Variants in FHIT observed in about 807,000 individuals in gnomAD.
FHIT encodes the protein bis(5'-adenosyl)-triphosphatase.
FHIT carries 19 observed loss-of-function variants against 17.9 expected under a neutral mutation model. The ratio of observed to expected loss-of-function variants is 1.06; its 90% CI spans 0.74 to 1.56. FHIT has a LOEUF of 1.56. Ranked by LOEUF, FHIT falls within the 40% of genes most tolerant of loss-of-function variation. FHIT has a pLI of 0.00. For synonymous variants in FHIT, 81 were observed against 69.7 expected (o/e 1.16, Z -0.81); for missense variants, 248 against 189.2 (o/e 1.31, Z -1.82).
intron 4 of FHIT, among the ~76,000 whole-genome samples, chr3:60,735,870 T>C (rs1285914035): frequency 2.0e-5 from 3 of 152,210 alleles, no homozygotes; most frequent in African/African-American, 7.2e-5. Context: ...GTCTATGCTT[T>C]TGCATAGCTA....
chr3:60,515,404 G>A (rs2035114757), intron 5 of FHIT, among the ~76,000 whole-genome samples: 1 of 152,110 alleles, frequency 6.6e-6, no homozygotes, highest in Non-Finnish European at 1.5e-5. Context: ...CGTCCAGGAA[G>A]GAGGAATGAC....
intron 3 of FHIT, among the ~76,000 whole-genome samples, chr3:60,839,234 C>T (rs1438232422): frequency 6.6e-6 from 1 of 152,084 alleles, no homozygotes; most frequent in Non-Finnish European, 1.5e-5. Flanking sequence ...AGTAGCTTTT[C>T]CATGAATTAT....
At chr3:60,426,243 C>A (rs908823130) in intron 5 of FHIT, among the ~76,000 whole-genome samples, 1 of 152,098 alleles carries the variant, frequency 6.6e-6, no homozygotes, top group East Asian at 1.9e-4. Flanking sequence ...TTGCCAAGTG[C>A]TTGCAAATAA....
At chr3:61,203,426 G>C (rs569478395) in intron 1 of FHIT, among the ~76,000 whole-genome samples, 2 of 151,150 alleles carry the variant, frequency 1.3e-5, no homozygotes, top group African/African-American at 4.8e-5. Context: ...AGATAAATCA[G>C]AACATTTTTC....
In FHIT at chr3:60,103,465, T is replaced by A. The variant is rs571397895; in HGVS notation, c.104-89313A>T. Among the ~76,000 whole-genome samples, 5 of 152,184 alleles carry A rather than the reference T, an allele frequency of 3.3e-5. No homozygotes were observed. The East Asian group carries it at 9.7e-4, about 29-fold the overall frequency. On this transcript the variant is annotated intron_variant, in intron 5 of 9. Coordinates refer to ENST00000492590, the MANE Select transcript of FHIT (RefSeq NM_002012.4). ...AAAACAAACAAACACCACGATAAAT[T>A]TGTGAAGAAATGACAGGATAAAAAG...
At chr3:60,199,035 A>G (rs1326454365) in intron 5 of FHIT, among the ~76,000 whole-genome samples, 4 of 152,208 alleles carry the variant, frequency 2.6e-5, no homozygotes, top group Admixed American at 2.6e-4. Context: ...AGGAGTTGTC[A>G]GAGGAATCAC....
intron 5 of FHIT, among the ~76,000 whole-genome samples, chr3:60,192,493 A>G (rs961855542): frequency 1.4e-4 from 22 of 152,016 alleles, no homozygotes; most frequent in Admixed American, 1.0e-3. Context: ...CTGTGACTCT[A>G]CCTCTCCTGT....
chr3:61,022,120 G>A (rs546795856), intron 3 of FHIT, among the ~76,000 whole-genome samples: 21 of 152,172 alleles, frequency 1.4e-4, no homozygotes, highest in Admixed American at 4.6e-4. Context: ...AAGAAGAAAA[G>A]AGAGAAGAAT....
At chr3:61,037,068 C>G (rs547578365) in intron 3 of FHIT, among the ~76,000 whole-genome samples, 10 of 152,206 alleles carry the variant, frequency 6.6e-5, no homozygotes, top group African/African-American at 2.4e-4. Flanking sequence ...CCCGCCACTG[C>G]ACCCGGCTAA....
chr3:59,922,824 G>C (rs1705474015), intron 7 of FHIT, among the ~76,000 whole-genome samples: 1 of 152,164 alleles, frequency 6.6e-6, no homozygotes, highest in Non-Finnish European at 1.5e-5. Context: ...GAGGTAGCAA[G>C]TAGTATGGGC....
intron 3 of FHIT, among the ~76,000 whole-genome samples, chr3:60,899,031 T>A (rs1322006551): frequency 6.6e-6 from 1 of 152,214 alleles, no homozygotes; most frequent in Non-Finnish European, 1.5e-5. Flanking sequence ...CATGCATTTT[T>A]TTTCCAGAAC....
At chr3:60,651,701 C>G (rs1328211036) in intron 4 of FHIT, among the ~76,000 whole-genome samples, 2 of 152,034 alleles carry the variant, frequency 1.3e-5, no homozygotes, top group Non-Finnish European at 2.9e-5. Flanking sequence ...TTTGTATAAG[C>G]TCTATCTAAT....
At chr3:60,105,310 T>G (rs1704361062) in intron 5 of FHIT, among the ~76,000 whole-genome samples, 1 of 152,198 alleles carries the variant, frequency 6.6e-6, no homozygotes, top group Admixed American at 6.5e-5. Flanking sequence ...TCTACAGGAC[T>G]TAGAAATAAA....
At chr3:61,097,715 T>C (rs1368809091) in intron 2 of FHIT, among the ~76,000 whole-genome samples, 2 of 152,192 alleles carry the variant, frequency 1.3e-5, no homozygotes, top group African/African-American at 4.8e-5. Flanking sequence ...ATGTTGAGCT[T>C]TTTTTTCAGA....
intron 5 of FHIT, among the ~76,000 whole-genome samples, chr3:60,149,992 T>C (rs1030897012): frequency 1.4e-5 from 1 of 70,182 alleles, no homozygotes; most frequent in Non-Finnish European, 2.7e-5. Context: ...AAGCCTTTTT[T>C]TTTTTTTTTT....
chr3:61,208,523 G>C (rs1279922987), intron 1 of FHIT, among the ~76,000 whole-genome samples: 5 of 152,078 alleles, frequency 3.3e-5, no homozygotes, highest in African/African-American at 1.2e-4. Flanking sequence ...ATATATTTAG[G>C]ATAGTTAGCT....
intron 5 of FHIT, among the ~76,000 whole-genome samples, chr3:60,492,191 A>G (rs983708642): frequency 3.3e-5 from 5 of 152,190 alleles, no homozygotes; most frequent in African/African-American, 1.2e-4. Context: ...CTAAAACTAA[A>G]TTTTACTATA....
intron 4 of FHIT, among the ~76,000 whole-genome samples, chr3:60,773,869 C>G (rs928124065): frequency 6.6e-6 from 1 of 152,214 alleles, no homozygotes; most frequent in South Asian, 2.1e-4. Context: ...TTTCATAAAG[C>G]TGGACCATCA....
intron 5 of FHIT, among the ~76,000 whole-genome samples, chr3:60,308,735 T>C (rs976576038): frequency 3.3e-5 from 5 of 152,146 alleles, no homozygotes; most frequent in Non-Finnish European, 5.9e-5. Context: ...GGGTTACCGA[T>C]GATTCACTAA....
Sources: gnomAD v4.1 joint callset for allele counts (sites outside exome capture counted in the v4.1 genomes callset) on GRCh38, gnomAD v4.1.1 for gene constraint, MANE v1.5 for transcripts, NCBI Gene and HGNC (gene_info 2026-07-23, HGNC 2026-07-21) for gene names.